CPNE4: variants seen among roughly 807,000 people sequenced by gnomAD.
CPNE4 encodes copine 4.
Under a neutral mutation model 67.9 loss-of-function variants are expected in CPNE4, and 25 were observed. The observed-to-expected ratio is 0.37, with a 90% CI of 0.27 to 0.51. CPNE4 has a LOEUF of 0.51. Among genes scored for constraint, CPNE4 ranks in the 20% least tolerant of loss-of-function variants. The pLI is 0.93. For missense variants in CPNE4, 464 were observed against 690.8 expected (o/e 0.67, Z 3.68); for synonymous variants, 242 against 244.9 (o/e 0.99, Z 0.11).
intron 2 of CPNE4, among the ~76,000 whole-genome samples, chr3:131,813,232 AAAG>A (rs2084603315): frequency 6.6e-6 from 1 of 151,814 alleles, no homozygotes; most frequent in South Asian, 2.1e-4. Flanking sequence ...GATAAAATAC[AAAG>A]AACAAAATTT....
chr3:132,001,553 GAGAAAGAAAGAAAGAAAGAA>G lies in CPNE4; in HGVS notation c.-2+32994_-2+33013del, dbSNP rs763509045. ...GAGAAAGAAAGAGACAAAGAAAAAA[GAGAAAGAAAGAAAGAAAGAA>G]AGAAAGAAAGAAAGAAAGAAAGAAA... On this transcript the variant is annotated intron_variant, in intron 1 of 15. Transcript: ENST00000429747. Among the ~76,000 whole-genome samples the G allele has an allele frequency of 5.4e-3, 547 of 101,856 alleles. 4 individuals carry two copies. The highest frequency in any genetic ancestry group is 0.011 in the African/African-American group (300 of 26,800). The allele number at this position is 101,856 out of a possible 152,430, so 66.8% of individuals were successfully genotyped here. A position where few individuals can be genotyped will look rare whatever the true frequency, so the allele number is the denominator to read the frequency against.
chr3:132,036,346 A>G (rs761167329), upstream of CPNE4, among the ~76,000 whole-genome samples: 1 of 152,048 alleles, frequency 6.6e-6, no homozygotes, highest in Non-Finnish European at 1.5e-5. Flanking sequence ...GACTTCCACA[A>G]TGTCTAGGAG....
At chr3:131,639,813 T>A (rs1414694217) in intron 7 of CPNE4, among the ~76,000 whole-genome samples, 28 of 152,196 alleles carry the variant, frequency 1.8e-4, no homozygotes, top group Non-Finnish European at 2.9e-5. Context: ...AATTCACCAT[T>A]ATCAAGTGGG....
chr3:131,892,245 C>A (rs2107743854), intron 2 of CPNE4, among the ~76,000 whole-genome samples: 1 of 152,186 alleles, frequency 6.6e-6, no homozygotes, highest in South Asian at 2.1e-4. Context: ...AGCTGCATTG[C>A]CACCAATGTG....
intron 1 of CPNE4, among the ~76,000 whole-genome samples, chr3:131,934,254 T>A (rs538150517): frequency 6.6e-6 from 1 of 152,182 alleles, no homozygotes; most frequent in East Asian, 1.9e-4. Flanking sequence ...AGTTAGCAGG[T>A]GAGGAATTTT....
At chr3:131,996,475 A>G (rs2073295000) in intron 1 of CPNE4, among the ~76,000 whole-genome samples, 1 of 83,150 alleles carries the variant, frequency 1.2e-5, no homozygotes, top group African/African-American at 5.8e-5. Flanking sequence ...ATGTCAGAGT[A>G]AAATGGAGAA....
At chr3:131,897,037 G>C (rs7630302) in intron 2 of CPNE4, among the ~76,000 whole-genome samples, 16,699 of 152,064 alleles carry the variant, frequency 0.11, 1,016 homozygotes, top group African/African-American at 0.16. Context: ...ACGTACTCCA[G>C]ATTAACATGA....
intron 6 of CPNE4, among the ~76,000 whole-genome samples, chr3:131,672,177 G>A (rs775796473): frequency 1.3e-5 from 2 of 151,958 alleles, no homozygotes; most frequent in South Asian, 4.1e-4. Context: ...TTTAGAGTAC[G>A]GAATAGTACT....
intron 5 of CPNE4, among the ~76,000 whole-genome samples, chr3:131,688,787 C>A (rs2080958206): frequency 6.6e-6 from 1 of 152,076 alleles, no homozygotes; most frequent in Non-Finnish European, 1.5e-5. Flanking sequence ...GAACCCATAA[C>A]TGAATTCAAA....
chr3:132,000,452 T>C (rs561251323), intron 1 of CPNE4, among the ~76,000 whole-genome samples: 193 of 151,792 alleles, frequency 1.3e-3, no homozygotes, highest in African/African-American at 4.5e-3. Flanking sequence ...CATGATCTAC[T>C]TGTGGGGAGA....
chr3:131,714,986 C>T (rs2081648689), intron 3 of CPNE4, among the ~76,000 whole-genome samples: 1 of 152,126 alleles, frequency 6.6e-6, no homozygotes, highest in Non-Finnish European at 1.5e-5. Context: ...CACTGAAGAA[C>T]AGCCACACAA....
rs541017123 is a variant in CPNE4, at chr3:131,728,633, G to A, written c.181-5008C>T. On this transcript the variant is annotated intron_variant, in intron 2 of 15. Transcript: ENST00000429747. Reference sequence around the variant, plus strand: ...CCCATAGAAATTGGATTGTGTGGCCGGGCGCAGTGGCTCACGCCTATAATC... The same window carrying A: ...CCCATAGAAATTGGATTGTGTGGCCAGGCGCAGTGGCTCACGCCTATAATC... 9.2e-5 allele frequency among the ~76,000 whole-genome samples: 14 copies of A among 152,208 alleles called. No homozygotes were observed. The East Asian group carries it at 1.5e-3, about 17-fold the overall frequency.
intron 3 of CPNE4, among the ~76,000 whole-genome samples, chr3:131,701,343 G>T (rs989751576): frequency 2.0e-5 from 3 of 152,094 alleles, no homozygotes; most frequent in Non-Finnish European, 4.4e-5. Flanking sequence ...GGTCCACAAT[G>T]ATCCTATCTT....
intron 2 of CPNE4, among the ~76,000 whole-genome samples, chr3:131,795,528 T>A (rs1470720170): frequency 6.6e-6 from 1 of 152,088 alleles, no homozygotes; most frequent in Non-Finnish European, 1.5e-5. Flanking sequence ...ACCACTGATA[T>A]CAACTAACCA....
chr3:131,563,445 T>G (rs1022239314), intron 11 of CPNE4, among the ~76,000 whole-genome samples: 1 of 152,068 alleles, frequency 6.6e-6, no homozygotes, highest in Admixed American at 6.6e-5. Context: ...TACATTCAGT[T>G]TAACGTAATT....
intron 2 of CPNE4, among the ~76,000 whole-genome samples, chr3:131,761,365 G>A (rs976202151): frequency 1.3e-5 from 2 of 151,952 alleles, no homozygotes; most frequent in South Asian, 2.1e-4. Context: ...ACAGCCATGA[G>A]CTATGAGCTA....
chr3:131,633,319 C>G (rs146617688), intron 7 of CPNE4, among the ~76,000 whole-genome samples: 2 of 152,056 alleles, frequency 1.3e-5, no homozygotes, highest in Non-Finnish European at 2.9e-5. Flanking sequence ...ACCTCCTTAC[C>G]CCACCCCCAT....
rs1314909046 is a variant in CPNE4 at position 132,035,003 on chromosome 3, C to A, written c.-438G>T. On this transcript the variant is annotated 5_prime_UTR_variant, in exon 1 of 16. Coordinates refer to ENST00000429747, the MANE Select transcript of CPNE4 (RefSeq NM_130808.3). The stretch of plus-strand genomic sequence containing the variant: ...ATGGCAGCTTCTCACAGAGAGATTT[C>A]CACCTTCTGACGAATCCCATGCACC... 1 of 985,064 alleles carries A rather than the reference C, an allele frequency of 1.0e-6. No individual in the cohort carries two copies. Among genetic ancestry groups the A allele is most frequent in the Admixed American group, 6.2e-5 (1 of 16,250 alleles). The allele number at this position is 985,064 out of a possible 1,614,324, so 61.0% of individuals were successfully genotyped here.
rs368447555 is a variant in CPNE4 at position 131,717,232 on chromosome 3, A to G, written c.360+6214T>C. ...ATATTACTCCATGTAAAAAACACTCAACAAAGGTTTTTTTTTTTTTTCTTA... is the reference window on the plus strand; with the variant it reads ...ATATTACTCCATGTAAAAAACACTCGACAAAGGTTTTTTTTTTTTTTCTTA... On this transcript the variant is annotated intron_variant, in intron 3 of 15. Transcript: ENST00000429747. Among the ~76,000 whole-genome samples, 466 of 148,316 alleles carry G rather than the reference A, an allele frequency of 3.1e-3. 25 individuals carry two copies. The South Asian group carries it at 0.089, about 28-fold the overall frequency.
Sources: gnomAD v4.1 joint callset for allele counts (sites outside exome capture counted in the v4.1 genomes callset) on GRCh38, gnomAD v4.1.1 for gene constraint, MANE v1.5 for transcripts, NCBI Gene and HGNC (gene_info 2026-07-23, HGNC 2026-07-21) for gene names.